The following CCDC88A variants were observed in gnomAD, a reference collection of about 807,000 sequenced individuals.
CCDC88A encodes the protein girdin.
In CCDC88A, 54 loss-of-function variants were observed where a neutral mutation model predicts 234.3. The ratio of observed to expected loss-of-function variants is 0.23; its 90% CI spans 0.19 to 0.29. The LOEUF (loss-of-function observed/expected upper bound fraction) is 0.29. CCDC88A is among the 10% of genes least tolerant of loss of function. The probability of loss-of-function intolerance (pLI) is 1.00; values close to 1 mark genes in which losing one functional copy is unlikely to be tolerated. For synonymous variants in CCDC88A, 753 were observed against 737.8 expected (o/e 1.02, Z -0.33); for missense variants, 1,832 against 2,123.4 (o/e 0.86, Z 2.70).
At position 55,317,356 on chromosome 2, in the gene CCDC88A, G is replaced by A. The variant is rs1683115246; in HGVS notation, c.3603-7C>T. 3.4e-6 allele frequency: 5 copies of A among 1,451,430 alleles called. No individual in the cohort carries two copies. In the East Asian group the frequency reaches 9.8e-5, roughly 28 times the overall value. The allele number at this position is 1,451,430 out of a possible 1,614,324, so 89.9% of individuals were successfully genotyped here. A position where few individuals can be genotyped will look rare whatever the true frequency, so the allele number is the denominator to read the frequency against. On this transcript the variant is annotated splice_polypyrimidine_tract_variant and splice_region_variant and intron_variant, in intron 20 of 32. Coordinates refer to ENST00000436346, the MANE Select transcript of CCDC88A (RefSeq NM_001365480.1). This position sits in a 1 kb window ranked among gnomAD's most constrained non-coding sequence, Gnocchi z 4.2. ...TTTTAATAACTGATTGTAACTGGGG[G>A]GAAAAAAGGCATTTGGTTTATAATA... is the stretch of plus-strand genomic sequence containing the variant.
intron 2 of CCDC88A, among the ~76,000 whole-genome samples, chr2:55,412,314 TA>T (rs144520247): frequency 0.022 from 3,313 of 152,224 alleles, 93 homozygotes; most frequent in African/African-American, 0.075. Context: ...CACAAGGTAT[TA>T]AAGGAAGAGC....
At chr2:55,361,329 T>C (rs1671284603) in intron 7 of CCDC88A, among the ~76,000 whole-genome samples, 4 of 152,178 alleles carry the variant, frequency 2.6e-5, no homozygotes, top group Admixed American at 2.6e-4. Context: ...ATTTGATGCA[T>C]AGTAGGAATG....
intron 2 of CCDC88A, among the ~76,000 whole-genome samples, chr2:55,403,204 T>C (rs1429602719): frequency 6.6e-6 from 1 of 152,224 alleles, no homozygotes; most frequent in African/African-American, 2.4e-5. Flanking sequence ...ACTCAAGTAT[T>C]AACAACCAGT....
intron 5 of CCDC88A, among the ~76,000 whole-genome samples, chr2:55,366,567 AC>A (rs397984636): frequency 6.7e-6 from 1 of 150,274 alleles, no homozygotes; most frequent in Non-Finnish European, 1.5e-5. Context: ...ACACACACAC[AC>A]ACACACACAA....
At chr2:55,371,456 G>C (rs1269403127) in intron 5 of CCDC88A, among the ~76,000 whole-genome samples, 1 of 152,132 alleles carries the variant, frequency 6.6e-6, no homozygotes, top group Non-Finnish European at 1.5e-5. Context: ...AAGTGAGACA[G>C]TTTAAAATGA....
intron 2 of CCDC88A, among the ~76,000 whole-genome samples, chr2:55,416,303 C>G (rs551857561): frequency 2.2e-4 from 33 of 149,946 alleles, no homozygotes; most frequent in Non-Finnish European, 4.0e-4. Context: ...GACATCACAA[C>G]AGACTATCCA....
chr2:55,397,783 G>T (rs1473144409), intron 2 of CCDC88A, among the ~76,000 whole-genome samples: 1 of 152,012 alleles, frequency 6.6e-6, no homozygotes, highest in African/African-American at 2.4e-5. Context: ...AAATTCTACA[G>T]TCGCTGCATA....
At position 55,335,373 on chromosome 2, in the gene CCDC88A, G is replaced by A. The variant is rs989722304; in HGVS notation, c.1657-209C>T. ...GACCACTGTGTACACTTACTGTGAG[G>A]TCATTAAAGTTCATGTTTTTAGGAA... On this transcript the variant is annotated intron_variant, in intron 14 of 32. Coordinates refer to ENST00000436346, the MANE Select transcript of CCDC88A (RefSeq NM_001365480.1). This position sits in a 1 kb window ranked among gnomAD's most constrained non-coding sequence, Gnocchi z 4.5. Among the ~76,000 whole-genome samples, 32 of 118,238 alleles carry A rather than the reference G, an allele frequency of 2.7e-4. No individual in the cohort carries two copies. The highest frequency in any genetic ancestry group is 7.5e-5 in the African/African-American group (2 of 26,510). The allele number at this position is 118,238 out of a possible 152,430, so 77.6% of individuals were successfully genotyped here. A position where few individuals can be genotyped will look rare whatever the true frequency, so the allele number is the denominator to read the frequency against.
chr2:55,366,523 TCACACACACATACA>T (rs1376672226), intron 5 of CCDC88A, among the ~76,000 whole-genome samples: 9 of 127,846 alleles, frequency 7.0e-5, no homozygotes, highest in Middle Eastern at 7.6e-3. Flanking sequence ...CAAGACTCTG[TCACACACACATACA>T]CACACACACA....
chr2:55,289,037 T>G lies in CCDC88A; in HGVS notation c.*2163A>C, dbSNP rs1237381984. 6.6e-6 allele frequency: 1 copy of G among 152,652 alleles called. No individual in the cohort carries two copies. Among genetic ancestry groups the G allele is most frequent in the Non-Finnish European group, 1.5e-5 (1 of 68,032 alleles). 9.5% of individuals were successfully genotyped at this position (152,652 alleles called of 1,614,324 possible). ...TTGTAGTCTCAATGTGTTCCCTTGGTTGTCTCTTTAATTGTCCCTTCTCAG... is the reference window on the plus strand; with the variant it reads ...TTGTAGTCTCAATGTGTTCCCTTGGGTGTCTCTTTAATTGTCCCTTCTCAG... On this transcript the variant is annotated 3_prime_UTR_variant, in exon 33 of 33. Transcript: ENST00000436346.
intron 8 of CCDC88A, among the ~76,000 whole-genome samples, chr2:55,354,755 C>T (rs1029316003): frequency 3.3e-5 from 5 of 151,250 alleles, no homozygotes; most frequent in South Asian, 2.1e-4. Context: ...CTAGTAGAGA[C>T]GGGGTTTCAC....
intron 2 of CCDC88A, among the ~76,000 whole-genome samples, chr2:55,409,691 C>T (rs1033194485): frequency 6.7e-6 from 1 of 149,888 alleles, no homozygotes; most frequent in African/African-American, 2.5e-5. Context: ...CATGCTTCCA[C>T]TGGGAGAGGA....
chr2:55,367,452 C>G (rs1212391192), intron 5 of CCDC88A, among the ~76,000 whole-genome samples: 1 of 150,464 alleles, frequency 6.6e-6, no homozygotes, highest in Non-Finnish European at 1.5e-5. Context: ...CAAAAGTCTC[C>G]CTCTTTGAGC....
Position 55,332,413 on chromosome 2 carries a change from C to T in CCDC88A, c.2855+153G>A, listed in dbSNP as rs754687747. Reference sequence around the variant, plus strand: ...CTGGGATTATAGGTGTGAGCCACCGCACCCGGCTACAGAACTTTCCTTAAG... The same window carrying T: ...CTGGGATTATAGGTGTGAGCCACCGTACCCGGCTACAGAACTTTCCTTAAG... On this transcript the variant is annotated intron_variant, in intron 16 of 32. Coordinates refer to ENST00000436346, the MANE Select transcript of CCDC88A (RefSeq NM_001365480.1). This position sits in a 1 kb window ranked among gnomAD's most constrained non-coding sequence, Gnocchi z 4.5. 6 of 1,308,568 alleles carry T rather than the reference C, an allele frequency of 4.6e-6. No individual in the cohort carries two copies. The highest frequency in any genetic ancestry group is 5.9e-6 in the Non-Finnish European group (6 of 1,025,038). 81.1% of individuals were successfully genotyped at this position (1,308,568 alleles called of 1,614,324 possible).
At chr2:55,409,231 C>A (rs916114478) in intron 2 of CCDC88A, among the ~76,000 whole-genome samples, 1 of 152,154 alleles carries the variant, frequency 6.6e-6, no homozygotes, top group African/African-American at 2.4e-5. Context: ...ATTCCTCCAC[C>A]GTTATTTACA....
intron 7 of CCDC88A, among the ~76,000 whole-genome samples, chr2:55,356,974 A>C (rs1322493076): frequency 6.6e-6 from 1 of 152,216 alleles, no homozygotes; most frequent in Admixed American, 6.5e-5. Flanking sequence ...GCACACAGTC[A>C]TTACTGTATG....
In CCDC88A at chr2:55,322,631, G is replaced by C. The variant is rs775428378; in HGVS notation, c.3059C>G (p.Ser1020Cys). 6.2e-7 allele frequency: 1 copy of C among 1,606,936 alleles called. No homozygotes were observed. Among genetic ancestry groups the C allele is most frequent in the Non-Finnish European group, 8.5e-7 (1 of 1,174,338 alleles). Reference sequence around the variant, plus strand: ...GTTGTCTTCACCAGATATTGGAGGAGAGCTCTGTACCATCCTTTCCTCATC... The same window carrying C: ...GTTGTCTTCACCAGATATTGGAGGACAGCTCTGTACCATCCTTTCCTCATC... ...RQDEERMVQS[S>C]PPISGEDNKW... The change falls in exon 18 of 33, where the codon TCT becomes TGT. Residue 1020 changes from serine to cysteine, a missense_variant. Ser to Cys is a moderately radical substitution (Grantham distance 112, BLOSUM62 -1). Around this residue, in one of 6 missense-constraint regions of CCDC88A, gnomAD observed 1,282 missense variants for 1,543.6 expected, o/e 0.83. Transcript: ENST00000436346.
At chr2:55,363,735 T>C in intron 6 of CCDC88A, 1 of 402,986 alleles carries the variant, frequency 2.5e-6, no homozygotes, top group East Asian at 3.9e-5. Flanking sequence ...CCTATGTCAC[T>C]ATAGAATAAA....
chr2:55,298,873 C>CAA (rs70949101), intron 29 of CCDC88A, among the ~76,000 whole-genome samples: 5 of 95,368 alleles, frequency 5.2e-5, no homozygotes, highest in African/African-American at 1.9e-4. Context: ...GAACCCGTCT[C>CAA]AAAAAAAAAA....
Sources: gnomAD v4.1 joint callset for allele counts (sites outside exome capture counted in the v4.1 genomes callset) on GRCh38, gnomAD v4.1.1 for gene constraint, gnomAD v4.1.1 regional missense constraint, Gnocchi (gnomAD v3.1) non-coding constraint, MANE v1.5 for transcripts, NCBI Gene and HGNC (gene_info 2026-07-23, HGNC 2026-07-21) for gene names.